SLC9A8: variants seen among roughly 807,000 people sequenced by gnomAD.
The protein encoded by SLC9A8 is solute carrier family 9 member A8.
SLC9A8 carries 48 observed loss-of-function variants against 66.6 expected under a neutral mutation model. The ratio of observed to expected loss-of-function variants is 0.72; its 90% confidence interval spans 0.57 to 0.92. The LOEUF (loss-of-function observed/expected upper bound fraction) is 0.92. Among genes scored for constraint, SLC9A8 ranks in the 40% least tolerant of loss-of-function variants. The pLI is 0.00. For missense variants in SLC9A8, 599 were observed against 747.3 expected (o/e 0.80, Z 2.31); for synonymous variants, 274 against 282.6 (o/e 0.97, Z 0.31).
intron 3 of SLC9A8, among the ~76,000 whole-genome samples, chr20:49,832,917 T>G (rs954095016): frequency 1.3e-5 from 2 of 152,148 alleles, no homozygotes; most frequent in Non-Finnish European, 1.5e-5. Flanking sequence ...TTTCCTTTTT[T>G]TTTTTGGAGA....
intron 3 of SLC9A8, among the ~76,000 whole-genome samples, chr20:49,835,879 G>A (rs1488744544): frequency 6.6e-6 from 1 of 151,548 alleles, no homozygotes; most frequent in Admixed American, 6.6e-5. Flanking sequence ...GTAGAGACGG[G>A]GTTTCACTAT....
At chr20:49,885,208 A>T (rs1386887397) in intron 14 of SLC9A8, among the ~76,000 whole-genome samples, 2 of 152,186 alleles carry the variant, frequency 1.3e-5, no homozygotes, top group Non-Finnish European at 2.9e-5. Flanking sequence ...TTTTTCACAA[A>T]AGCTCTAGCT....
At chr20:49,814,467 G>T (rs142183342) in intron 1 of SLC9A8, among the ~76,000 whole-genome samples, 1 of 152,150 alleles carries the variant, frequency 6.6e-6, no homozygotes, top group Non-Finnish European at 1.5e-5. Context: ...GGGAACATAC[G>T]CAGTGGAGTG....
intron 14 of SLC9A8, 178 bp downstream of exon 14, chr20:49,884,244 C>CACACACACACACG (rs2089763172): frequency 2.2e-4 from 22 of 98,316 alleles, no homozygotes; most frequent in Admixed American, 7.9e-4. Context: ...ACACACACGA[C>CACACACACACACG]ACACACACAC....
chr20:49,844,936 C>G, intron 4 of SLC9A8, 100 bp from the exon 5 acceptor site: 1 of 776,468 alleles, frequency 1.3e-6, no homozygotes, highest in South Asian at 1.5e-5. Flanking sequence ...TTCCACTAGG[C>G]CAGGCCCTGA....
chr20:49,852,114 G>A (rs1168494118), intron 7 of SLC9A8, among the ~76,000 whole-genome samples: 2 of 152,090 alleles, frequency 1.3e-5, no homozygotes, highest in Non-Finnish European at 2.9e-5. Context: ...CTCTGGGGTC[G>A]CAAACCCACA....
intron 3 of SLC9A8, among the ~76,000 whole-genome samples, chr20:49,832,081 C>T (rs773330842): frequency 6.6e-6 from 1 of 152,154 alleles, no homozygotes; most frequent in Non-Finnish European, 1.5e-5. Flanking sequence ...TTGGTCTCCT[C>T]CCCGCAGTCC....
intron 8 of SLC9A8, among the ~76,000 whole-genome samples, chr20:49,862,702 A>C (rs1285843545): frequency 6.6e-6 from 1 of 152,084 alleles, no homozygotes; most frequent in Non-Finnish European, 1.5e-5. Flanking sequence ...CATTAGCCTG[A>C]GGGGAGGAGC....
intron 3 of SLC9A8, chr20:49,829,202 C>G (rs536449066): frequency 6.6e-6 from 1 of 152,038 alleles, no homozygotes; most frequent in Non-Finnish European, 1.5e-5. Flanking sequence ...CAGGAAAGAT[C>G]GTTAATCCAC....
rs79607538 is a variant in SLC9A8 at position 49,821,272 on chromosome 20, T to G, written c.209-1789T>G. Reference sequence around the variant, plus strand: ...GTACAAAGGAAGAGCAGAAACTGGTTCAACTCTCTTGGTCTATTTTCTGTC... The same window carrying G: ...GTACAAAGGAAGAGCAGAAACTGGTGCAACTCTCTTGGTCTATTTTCTGTC... On this transcript the variant is annotated intron_variant, in intron 2 of 15. Coordinates refer to ENST00000361573, the MANE Select transcript of SLC9A8 (RefSeq NM_015266.3). Among the ~76,000 whole-genome samples, 638 of 152,350 alleles carry G rather than the reference T, an allele frequency of 4.2e-3. 3 individuals carry two copies. Among genetic ancestry groups the G allele is most frequent in the African/African-American group, 0.015 (617 of 41,590 alleles).
chr20:49,866,644 T>C (rs1449796913), intron 10 of SLC9A8, among the ~76,000 whole-genome samples: 1 of 152,136 alleles, frequency 6.6e-6, no homozygotes, highest in African/African-American at 2.4e-5. Context: ...GTTTATAGTT[T>C]ATATGAGTTT....
intron 3 of SLC9A8, among the ~76,000 whole-genome samples, chr20:49,835,072 G>A (rs1158668115): frequency 6.6e-6 from 1 of 152,194 alleles, no homozygotes; most frequent in Non-Finnish European, 1.5e-5. Context: ...TTGTGGAAGT[G>A]TAAGTCGGTA....
Position 49,849,560 on chromosome 20 carries a change from T to C in SLC9A8, c.433-19T>C, listed in dbSNP as rs1358777268. 1 of 1,586,776 alleles carries C rather than the reference T, an allele frequency of 6.3e-7. No individual in the cohort carries two copies. Among genetic ancestry groups the C allele is most frequent in the South Asian group, 1.1e-5 (1 of 90,378 alleles). On this transcript the variant is annotated intron_variant, in intron 5 of 15. Coordinates refer to ENST00000361573, the MANE Select transcript of SLC9A8 (RefSeq NM_015266.3). ...ATGGCTTTTCTAATCATTTCCCTGA[T>C]TTCTGCTCTTTCAAACAGGGTAACT...
At chr20:49,865,216 C>T (rs1476064015) in intron 10 of SLC9A8, among the ~76,000 whole-genome samples, 1 of 152,136 alleles carries the variant, frequency 6.6e-6, no homozygotes, top group East Asian at 1.9e-4. Flanking sequence ...TACTCAAGGT[C>T]ACAGCTGGGA....
chr20:49,878,799 C>G (rs565591429), intron 12 of SLC9A8, among the ~76,000 whole-genome samples: 1 of 152,292 alleles, frequency 6.6e-6, no homozygotes, highest in East Asian at 1.9e-4. Flanking sequence ...GCTGGCGGAT[C>G]ATGAGGTCAG....
intron 3 of SLC9A8, chr20:49,830,627 G>A: frequency 1.6e-6 from 1 of 619,170 alleles, no homozygotes; most frequent in Middle Eastern, 3.1e-4. Flanking sequence ...GAATGTTGGT[G>A]ATCTTAGCAG....
Position 49,861,143 on chromosome 20 carries a change from G to C in SLC9A8, c.714-1786G>C, listed in dbSNP as rs116525367. On this transcript the variant is annotated intron_variant, in intron 8 of 15. Coordinates refer to ENST00000361573, the MANE Select transcript of SLC9A8 (RefSeq NM_015266.3). The stretch of plus-strand genomic sequence containing the variant: ...TGGCCCAGATGTTTAGATTTGGGGA[G>C]AGGAGGTAAGGTCAGAGAGGTATGG... Among the ~76,000 whole-genome samples the C allele has an allele frequency of 3.3e-3, 507 of 152,316 alleles. 2 individuals carry two copies. Among genetic ancestry groups the C allele is most frequent in the African/African-American group, 0.012 (493 of 41,548 alleles).
intron 4 of SLC9A8, among the ~76,000 whole-genome samples, chr20:49,842,943 G>T (rs558134884): frequency 6.6e-6 from 1 of 152,214 alleles, no homozygotes; most frequent in African/African-American, 2.4e-5. Flanking sequence ...TCCTGTCTTT[G>T]TCTCTGTGCT....
chr20:49,882,412 G>A (rs950837846), intron 13 of SLC9A8, among the ~76,000 whole-genome samples: 1 of 152,168 alleles, frequency 6.6e-6, no homozygotes, highest in African/African-American at 2.4e-5. Flanking sequence ...CGGCCTCTGG[G>A]CCATGCTCCT....
Sources: gnomAD v4.1 joint callset for allele counts (sites outside exome capture counted in the v4.1 genomes callset) on GRCh38, gnomAD v4.1.1 for gene constraint, MANE v1.5 for transcripts, NCBI Gene and HGNC (gene_info 2026-07-23, HGNC 2026-07-21) for gene names.